Variants in TAS2R1 observed in about 807,000 individuals in gnomAD.
The protein encoded by TAS2R1 is taste receptor type 2 member 1.
For synonymous variants in TAS2R1, 141 were observed against 134.2 expected, an observed-to-expected ratio of 1.05 and a Z score of -0.35; for missense variants, 370 against 353.4, an observed-to-expected ratio of 1.05 and a Z score of -0.38.
At chr5:9,828,041 C>T in the TAS2R1 span, among the ~76,000 whole-genome samples, 3 of 152,090 alleles carry the variant, frequency 2.0e-5, no homozygotes, top group African/African-American at 4.8e-5. Context: ...GCTGTTTTTC[C>T]TCTACCTAGA....
the TAS2R1 span, among the ~76,000 whole-genome samples, chr5:9,725,723 A>G: frequency 5.0e-5 from 7 of 140,614 alleles, no homozygotes; most frequent in African/African-American, 2.2e-4. Context: ...GGCACACGGC[A>G]CGGGACTGGC....
chr5:9,698,723 A>T (rs910792925), intron 1 of TAS2R1, among the ~76,000 whole-genome samples: 1 of 152,198 alleles, frequency 6.6e-6, no homozygotes, highest in Non-Finnish European at 1.5e-5. Context: ...TGTCCTGGAA[A>T]TGCCATCTGG....
intron 1 of TAS2R1, among the ~76,000 whole-genome samples, chr5:9,682,029 A>AT (rs904790016): frequency 2.0e-5 from 3 of 152,030 alleles, no homozygotes; most frequent in African/African-American, 4.8e-5. Context: ...GTTATGTCTC[A>AT]TTTTTTTTCT....
chr5:9,868,758 A>C, the TAS2R1 span, among the ~76,000 whole-genome samples: 1 of 152,124 alleles, frequency 6.6e-6, no homozygotes, highest in Non-Finnish European at 1.5e-5. Flanking sequence ...CCAAACCTTT[A>C]TGCTCTGCTT....
chr5:9,825,851 C>A, the TAS2R1 span, among the ~76,000 whole-genome samples: 3 of 152,128 alleles, frequency 2.0e-5, no homozygotes, highest in Non-Finnish European at 2.9e-5. Context: ...ATCTGAGAAA[C>A]CTTCCTTGCT....
At chr5:9,802,722 G>A in the TAS2R1 span, among the ~76,000 whole-genome samples, 1 of 152,132 alleles carries the variant, frequency 6.6e-6, no homozygotes, top group African/African-American at 2.4e-5. Context: ...TCAACATGGT[G>A]AAACCCCATC....
the TAS2R1 span, among the ~76,000 whole-genome samples, chr5:9,849,439 A>G: frequency 6.6e-6 from 1 of 152,224 alleles, no homozygotes; most frequent in Non-Finnish European, 1.5e-5. Context: ...TTATTAAGTC[A>G]ATTTTACAAA....
At chr5:9,657,465 G>A (rs1238280004) in intron 2 of TAS2R1, among the ~76,000 whole-genome samples, 1 of 152,154 alleles carries the variant, frequency 6.6e-6, no homozygotes, top group Non-Finnish European at 1.5e-5. Flanking sequence ...CCTCCTGATA[G>A]AGCCTCAGCA....
intron 1 of TAS2R1, among the ~76,000 whole-genome samples, chr5:9,672,677 C>G (rs566298495): frequency 7.9e-5 from 12 of 152,222 alleles, no homozygotes; most frequent in African/African-American, 2.6e-4. Flanking sequence ...TTATATACTG[C>G]TGGTTGAAAT....
the TAS2R1 span, among the ~76,000 whole-genome samples, chr5:9,817,013 T>C: frequency 6.6e-6 from 1 of 152,346 alleles, no homozygotes; most frequent in Admixed American, 6.5e-5. Context: ...ATTTTAATTT[T>C]GTTAATTTTT....
the TAS2R1 span, among the ~76,000 whole-genome samples, chr5:9,788,577 A>G: frequency 1.6e-4 from 24 of 152,306 alleles, no homozygotes; most frequent in Middle Eastern, 3.4e-3. Context: ...CATTTCTACT[A>G]AGATCTTTGT....
At chr5:9,897,687 T>C in the TAS2R1 span, among the ~76,000 whole-genome samples, 2 of 152,248 alleles carry the variant, frequency 1.3e-5, no homozygotes, top group African/African-American at 4.8e-5. Flanking sequence ...GGGAGGGTTC[T>C]TTCTTTTTTC....
the TAS2R1 span, among the ~76,000 whole-genome samples, chr5:9,794,073 CACCAGGATTTTTTAAAATCTTGTA>C: frequency 1.3e-4 from 20 of 152,160 alleles, no homozygotes; most frequent in Non-Finnish European, 2.2e-4. Context: ...GGTTTTGTGT[CACCAGGATTTTTTAAAATCTTGTA>C]ACCAGGATTT....
the TAS2R1 span, among the ~76,000 whole-genome samples, chr5:9,832,878 C>T: frequency 6.6e-6 from 1 of 152,198 alleles, no homozygotes; most frequent in African/African-American, 2.4e-5. Context: ...AGTGACACAG[C>T]CTCAGGAGGT....
the TAS2R1 span, among the ~76,000 whole-genome samples, chr5:9,732,439 G>A: frequency 9.9e-5 from 15 of 152,284 alleles, no homozygotes; most frequent in Non-Finnish European, 2.1e-4. Context: ...AGGCTCTCCA[G>A]GTGGGCTTTA....
At chr5:9,872,768 A>C in the TAS2R1 span, among the ~76,000 whole-genome samples, 1 of 152,346 alleles carries the variant, frequency 6.6e-6, no homozygotes, top group Admixed American at 6.5e-5. Flanking sequence ...ATTTTAATTA[A>C]GTTTGGGGAA....
the TAS2R1 span, among the ~76,000 whole-genome samples, chr5:9,840,444 T>C: frequency 6.6e-6 from 1 of 152,232 alleles, no homozygotes; most frequent in African/African-American, 2.4e-5. Flanking sequence ...TATTATCTTT[T>C]GGTGGTGACT....
rs1395273006 is a variant in TAS2R1 at position 9,655,848 on chromosome 5, T to C, written c.-81+3573A>G. 2.0e-5 allele frequency among the ~76,000 whole-genome samples: 3 copies of C among 150,966 alleles called. No homozygotes were observed. In the East Asian group the frequency reaches 6.1e-4, roughly 31 times the overall value. ...CTGCTTCTGCTTTTTCCTGCCTCTGTGGTTTTCTCTTTTTTTTTTTTTTTA... is the reference window on the plus strand; with the variant it reads ...CTGCTTCTGCTTTTTCCTGCCTCTGCGGTTTTCTCTTTTTTTTTTTTTTTA... On this transcript the variant is annotated intron_variant, in intron 2 of 2. Coordinates refer to the TAS2R1 transcript ENST00000506620.
At chr5:9,846,388 C>T in the TAS2R1 span, among the ~76,000 whole-genome samples, 164 of 152,294 alleles carry the variant, frequency 1.1e-3, no homozygotes, top group Admixed American at 2.0e-3. Flanking sequence ...CAATGTTCTA[C>T]ACACTGGACA....
Sources: gnomAD v4.1 joint callset for allele counts (sites outside exome capture counted in the v4.1 genomes callset) on GRCh38, gnomAD v4.1.1 for gene constraint, MANE v1.5 for transcripts, NCBI Gene and HGNC (gene_info 2026-07-23, HGNC 2026-07-21) for gene names.